Variants in PDE8B observed in about 807,000 individuals in gnomAD.
PDE8B encodes the protein phosphodiesterase 8B.
PDE8B carries 26 observed loss-of-function variants against 101.3 expected under a neutral mutation model. That is an observed-to-expected ratio of 0.26 (90% CI 0.19 to 0.36). The LOEUF is 0.36. Ranked by LOEUF, PDE8B falls within the 10% of genes least tolerant of loss-of-function variation. PDE8B has a pLI of 1.00. For synonymous variants in PDE8B, 424 were observed against 429.3 expected, an observed-to-expected ratio of 0.99 and a Z score of 0.15; for missense variants, 810 against 1,163.1, an observed-to-expected ratio of 0.70 and a Z score of 4.42.
intron 1 of PDE8B, among the ~76,000 whole-genome samples, chr5:77,224,649 G>A (rs1751924514): frequency 6.6e-6 from 1 of 152,164 alleles, no homozygotes; most frequent in Non-Finnish European, 1.5e-5. Flanking sequence ...ACAAGACAGT[G>A]TTGAAGTTTC....
chr5:77,223,065 A>G (rs1169900297), intron 1 of PDE8B, among the ~76,000 whole-genome samples: 1 of 152,200 alleles, frequency 6.6e-6, no homozygotes, highest in Non-Finnish European at 1.5e-5. Context: ...CCCAGATGTA[A>G]CCTGCACATG....
the PDE8B span, among the ~76,000 whole-genome samples, chr5:77,173,433 T>G: frequency 6.6e-6 from 1 of 152,164 alleles, no homozygotes; most frequent in Admixed American, 6.5e-5. Context: ...TTTTAAATAT[T>G]GGCAATTTTG....
At chr5:77,378,048 A>ACACACACACACAC (rs1347483439) in intron 10 of PDE8B, among the ~76,000 whole-genome samples, 1 of 93,848 alleles carries the variant, frequency 1.1e-5, no homozygotes, top group South Asian at 3.5e-4. Flanking sequence ...ACACACACAC[A>ACACACACACACAC]CCCCCTGTTG....
At chr5:77,121,079 A>G in the PDE8B span, among the ~76,000 whole-genome samples, 1 of 152,226 alleles carries the variant, frequency 6.6e-6, no homozygotes, top group Non-Finnish European at 1.5e-5. Context: ...CTCCAAACTT[A>G]GTGTCTTACA....
chr5:77,317,027 C>A (rs1256916260), intron 2 of PDE8B, among the ~76,000 whole-genome samples: 1 of 152,126 alleles, frequency 6.6e-6, no homozygotes, highest in Non-Finnish European at 1.5e-5. Flanking sequence ...CTCAATGATT[C>A]ATGCAATAAG....
chr5:77,370,860 T>TG (rs1784968500), intron 10 of PDE8B, among the ~76,000 whole-genome samples: 1 of 152,244 alleles, frequency 6.6e-6, no homozygotes, highest in Non-Finnish European at 1.5e-5. Flanking sequence ...TTATTAGGTG[T>TG]GCAGGTCTTA....
the PDE8B span, among the ~76,000 whole-genome samples, chr5:77,205,252 C>A: frequency 6.6e-5 from 10 of 152,202 alleles, 1 homozygote; most frequent in African/African-American, 1.9e-4. Context: ...CAAGAGAAAA[C>A]CGTTCTATGG....
Position 77,404,812 on chromosome 5 carries a change from A to G in PDE8B, c.1288+15A>G, listed in dbSNP as rs1347496201. The G allele has an allele frequency of 6.6e-6, 10 of 1,519,374 alleles. No individual in the cohort carries two copies. Among genetic ancestry groups the G allele is most frequent in the Non-Finnish European group, 9.1e-6 (10 of 1,094,110 alleles). 94.1% of individuals were successfully genotyped at this position (1,519,374 alleles called of 1,614,324 possible). ...AGGCAGTGATGGTAAGATGTTTTTC[A>G]GATTCCTCTGACCTTTTTAAAATGT... On this transcript the variant is annotated intron_variant, in intron 12 of 21. Coordinates refer to ENST00000264917, the MANE Select transcript of PDE8B (RefSeq NM_003719.5).
At chr5:77,091,919 C>A in the PDE8B span, among the ~76,000 whole-genome samples, 3 of 152,118 alleles carry the variant, frequency 2.0e-5, no homozygotes, top group Non-Finnish European at 2.9e-5. Flanking sequence ...CCATCTTAAG[C>A]CTAAGCAGGA....
chr5:77,152,136 A>G, the PDE8B span: 27 of 152,190 alleles, frequency 1.8e-4, no homozygotes, highest in African/African-American at 6.0e-4. Flanking sequence ...TAGGGACTCA[A>G]TGGATATTTA....
chr5:77,406,805 T>G (rs986412478), intron 12 of PDE8B, among the ~76,000 whole-genome samples: 24 of 152,332 alleles, frequency 1.6e-4, no homozygotes, highest in African/African-American at 5.8e-4. Context: ...ATAAAAGATT[T>G]TTTAAAAAAT....
At chr5:77,183,980 TA>T in the PDE8B span, among the ~76,000 whole-genome samples, 2,205 of 150,540 alleles carry the variant, frequency 0.015, 60 homozygotes, top group African/African-American at 0.051. Flanking sequence ...TTTTTTTTTT[TA>T]AAAAAAAACA....
At chr5:77,350,837 G>A (rs1170036822) in intron 8 of PDE8B, among the ~76,000 whole-genome samples, 1 of 152,242 alleles carries the variant, frequency 6.6e-6, no homozygotes, top group African/African-American at 2.4e-5. Context: ...CACAGGTCAA[G>A]TGTCCTGGAA....
chr5:77,265,879 G>A (rs1761602850), intron 1 of PDE8B, among the ~76,000 whole-genome samples: 2 of 152,246 alleles, frequency 1.3e-5, no homozygotes, highest in Non-Finnish European at 2.9e-5. Flanking sequence ...TGATCAAGAT[G>A]TGTAGATGCA....
At chr5:77,329,551 T>C (rs1358561441) in intron 4 of PDE8B, among the ~76,000 whole-genome samples, 1 of 152,172 alleles carries the variant, frequency 6.6e-6, no homozygotes, top group Non-Finnish European at 1.5e-5. Flanking sequence ...CAGTAGAGTT[T>C]ATCCAATGCT....
Position 77,407,372 on chromosome 5 carries a change from T to C in PDE8B, c.1289-9T>C, listed in dbSNP as rs1793687505. On this transcript the variant is annotated splice_polypyrimidine_tract_variant and intron_variant, in intron 12 of 21. Coordinates refer to ENST00000264917, the MANE Select transcript of PDE8B (RefSeq NM_003719.5). Reference sequence around the variant, plus strand: ...GGAACTGGACACAGCTTTCTTGCCTTCTCTCCAGCACCAAGCCTGCAGAAT... The same window carrying C: ...GGAACTGGACACAGCTTTCTTGCCTCCTCTCCAGCACCAAGCCTGCAGAAT... 1.9e-6 allele frequency: 3 copies of C among 1,613,160 alleles called. No homozygotes were observed. Among genetic ancestry groups the C allele is most frequent in the Admixed American group, 1.7e-5 (1 of 59,998 alleles).
chr5:77,191,580 C>G, the PDE8B span, among the ~76,000 whole-genome samples: 1 of 152,078 alleles, frequency 6.6e-6, no homozygotes, highest in East Asian at 1.9e-4. Context: ...GTCTCAATCT[C>G]CTGACCTCGT....
chr5:77,382,498 A>C (rs1288643246), intron 10 of PDE8B, among the ~76,000 whole-genome samples: 1 of 152,060 alleles, frequency 6.6e-6, no homozygotes, highest in South Asian at 2.1e-4. Flanking sequence ...TTGTTACATA[A>C]GTATACATGT....
At position 77,425,787 on chromosome 5, in the gene PDE8B, G is replaced by C; in HGVS notation, c.2439G>C (p.Gln813His). Residue 813 changes from glutamine (Q) to histidine (H), a missense_variant, in exon 21 of 22, where the codon CAG (glutamine) becomes CAC (histidine). Physicochemically the swap from Gln to His is conservative, Grantham distance 24. This residue lies in a region of PDE8B where 325 missense variants were observed against 560.9 expected (regional missense o/e 0.58). Coordinates refer to ENST00000264917, the MANE Select transcript of PDE8B (RefSeq NM_003719.5). ...YFAQTDEEKR[Q>H]GLPVVMPVFD... Reference sequence around the variant, plus strand: ...TACAGACTGATGAAGAGAAGAGACAGGGACTACCTGTGGTGATGCCAGTGT... The same window carrying C: ...TACAGACTGATGAAGAGAAGAGACACGGACTACCTGTGGTGATGCCAGTGT... 5 of 1,613,924 alleles carry C rather than the reference G, an allele frequency of 3.1e-6. No individual in the cohort carries two copies. The highest frequency in any genetic ancestry group is 4.2e-6 in the Non-Finnish European group (5 of 1,179,812).
Sources: allele counts gnomAD v4.1 joint callset (sites outside exome capture counted in the v4.1 genomes callset), GRCh38; gene constraint gnomAD v4.1.1; regional missense constraint gnomAD v4.1.1; transcripts MANE v1.5; gene names NCBI Gene and HGNC (gene_info 2026-07-23, HGNC 2026-07-21).